The following FAM227B variants were observed in gnomAD, a reference collection of about 807,000 sequenced individuals.
FAM227B encodes family with sequence similarity 227 member B, also known as protein FAM227B.
A neutral mutation model predicts 73.8 loss-of-function variants in FAM227B; 88 were observed. The observed-to-expected ratio is 1.19, with a 90% CI of 1.00 to 1.42. FAM227B has a LOEUF of 1.42. FAM227B is among the 40% of genes most tolerant of loss of function. FAM227B has a pLI of 0.00. For missense variants in FAM227B, 632 were observed against 590.9 expected (o/e 1.07, Z -0.72); for synonymous variants, 210 against 190.5 (o/e 1.10, Z -0.84).
chr15:49,427,301 TTGAA>T (rs1462592974), intron 11 of FAM227B, among the ~76,000 whole-genome samples: 2 of 152,046 alleles, frequency 1.3e-5, no homozygotes, highest in South Asian at 2.1e-4. Context: ...CAATCATTAA[TTGAA>T]TGAATGGACA....
rs1208382551 is a variant in FAM227B, at chr15:49,508,275, G to A, written c.948C>T (p.Ser316=). 8.7e-6 allele frequency: 14 copies of A among 1,610,878 alleles called. No individual in the cohort carries two copies. Among genetic ancestry groups the A allele is most frequent in the Non-Finnish European group, 9.3e-6 (11 of 1,178,634 alleles). The change falls in exon 11 of 16, where the codon AGC becomes AGT. Residue 316 remains serine (S), a synonymous_variant. Transcript: ENST00000299338. ...TTACTGATTTTGCAGGTGCTTTTTT[G>A]CTACCATGAATGGTGGTTGTGGAGA... ...KELSTTTIHG[S]KKAPAKSVKE...
At chr15:49,470,374 C>T (rs1028502958) in intron 11 of FAM227B, among the ~76,000 whole-genome samples, 9 of 152,024 alleles carry the variant, frequency 5.9e-5, no homozygotes, top group African/African-American at 1.9e-4. Flanking sequence ...TACCAATAAG[C>T]AATTCTGTTG....
intron 11 of FAM227B, among the ~76,000 whole-genome samples, chr15:49,402,222 C>G (rs2048213170): frequency 6.6e-6 from 1 of 152,084 alleles, no homozygotes; most frequent in Admixed American, 6.6e-5. Flanking sequence ...TAGAAAGACA[C>G]AGAGATGATG....
intron 11 of FAM227B, among the ~76,000 whole-genome samples, chr15:49,421,823 C>T (rs556229459): frequency 1.3e-5 from 2 of 152,306 alleles, no homozygotes; most frequent in Non-Finnish European, 2.9e-5. Flanking sequence ...TTTCTTTCCT[C>T]CTTCTCTTCC....
intron 10 of FAM227B, among the ~76,000 whole-genome samples, chr15:49,541,231 C>G (rs1030360674): frequency 2.6e-5 from 4 of 151,988 alleles, no homozygotes; most frequent in Non-Finnish European, 5.9e-5. Context: ...GCTTTTCAAT[C>G]CTACCATTTT....
In FAM227B at chr15:49,577,339, T is replaced by C. The variant is rs2152379140; in HGVS notation, c.441+290A>G. ...AAAGAAAAACCTTCATATTTTCTGC[T>C]TCTTTGAAATTAAGAACCCTAGCAC... is the stretch of plus-strand genomic sequence containing the variant. On this transcript the variant is annotated intron_variant, in intron 6 of 15. Transcript: ENST00000299338. 3 of 358,330 alleles carry C rather than the reference T, an allele frequency of 8.4e-6. 1 individual carries two copies. The highest frequency in any genetic ancestry group is 5.2e-6 in the Non-Finnish European group (1 of 193,802). The allele number at this position is 358,330 out of a possible 1,614,324, so 22.2% of individuals were successfully genotyped here.
chr15:49,512,332 T>C (rs563039737), intron 10 of FAM227B, among the ~76,000 whole-genome samples: 1 of 152,286 alleles, frequency 6.6e-6, no homozygotes, highest in South Asian at 2.1e-4. Flanking sequence ...GTGTTCTATA[T>C]GTATACATTA....
Position 49,328,650 on chromosome 15 carries a change from T to G in FAM227B, c.1445A>C (p.Glu482Ala), listed in dbSNP as rs1227101763. 2 of 1,571,952 alleles carry G rather than the reference T, an allele frequency of 1.3e-6. No individual in the cohort carries two copies. Among genetic ancestry groups the G allele is most frequent in the Middle Eastern group, 3.3e-4 (2 of 5,998 alleles). ...KLRSEAEIER[E>A]CVASLSSSSS... The stretch of plus-strand genomic sequence containing the variant: ...TGATGACGATAGTGATGCCACACAT[T>G]CTCTCTCAATTTCAGCTTCGGAACG... The change falls in exon 16 of 16, where the codon GAA (glutamate) becomes GCA (alanine). Residue 482 changes from glutamate (E) to alanine (A), a missense_variant. By Grantham distance (107) the Glu-to-Ala change is moderately radical. Transcript: ENST00000299338.
chr15:49,412,033 C>T (rs867630030), intron 11 of FAM227B, among the ~76,000 whole-genome samples: 1 of 152,058 alleles, frequency 6.6e-6, no homozygotes, highest in Non-Finnish European at 1.5e-5. Flanking sequence ...ACATACAGTA[C>T]TTGGCATTAA....
chr15:49,337,508 C>CTTTTTTTTTTTTTTTTTT (rs33973907), intron 13 of FAM227B, among the ~76,000 whole-genome samples: 1 of 36,080 alleles, frequency 2.8e-5, no homozygotes, highest in African/African-American at 1.2e-4. Flanking sequence ...CATTTACCCA[C>CTTTTTTTTTTTTTTTTTT]TTTTTTTTTT....
chr15:49,401,139 C>A (rs2048111249), intron 11 of FAM227B, among the ~76,000 whole-genome samples: 1 of 152,198 alleles, frequency 6.6e-6, no homozygotes, highest in East Asian at 1.9e-4. Flanking sequence ...ACAATGAACT[C>A]AAACAAATTT....
At chr15:49,533,935 C>G (rs1373765714) in intron 10 of FAM227B, among the ~76,000 whole-genome samples, 1 of 151,662 alleles carries the variant, frequency 6.6e-6, no homozygotes, top group African/African-American at 2.4e-5. Flanking sequence ...TTTTGTAGAT[C>G]CTTTGCTCAT....
intron 11 of FAM227B, among the ~76,000 whole-genome samples, chr15:49,377,727 T>C (rs2046261983): frequency 6.6e-6 from 1 of 152,132 alleles, no homozygotes; most frequent in African/African-American, 2.4e-5. Flanking sequence ...TCCCATAGAG[T>C]TACTTGAGCT....
At chr15:49,375,522 C>A (rs948586423) in intron 11 of FAM227B, among the ~76,000 whole-genome samples, 1 of 151,732 alleles carries the variant, frequency 6.6e-6, no homozygotes, top group African/African-American at 2.4e-5. Flanking sequence ...TTATAAGAAC[C>A]AAAGTGACAA....
chr15:49,441,047 AATACT>A (rs2051590184), intron 11 of FAM227B, among the ~76,000 whole-genome samples: 1 of 151,786 alleles, frequency 6.6e-6, no homozygotes, highest in African/African-American at 2.4e-5. Context: ...ATAACACTTA[AATACT>A]TATGAATAGC....
intron 11 of FAM227B, among the ~76,000 whole-genome samples, chr15:49,445,325 T>C (rs2052089882): frequency 6.6e-6 from 1 of 151,684 alleles, no homozygotes; most frequent in African/African-American, 2.4e-5. Context: ...TTTAAGTCCA[T>C]GAGTATTCAA....
chr15:49,393,979 C>T (rs1378873291), intron 11 of FAM227B, among the ~76,000 whole-genome samples: 3 of 152,230 alleles, frequency 2.0e-5, no homozygotes, highest in African/African-American at 7.2e-5. Flanking sequence ...CTTTAAATGT[C>T]AAACAGCATA....
intron 9 of FAM227B, among the ~76,000 whole-genome samples, chr15:49,543,216 T>C (rs2071331045): frequency 6.6e-6 from 1 of 152,166 alleles, no homozygotes; most frequent in Non-Finnish European, 1.5e-5. Flanking sequence ...AGGAGTAAAA[T>C]GGTATCATAT....
At chr15:49,421,965 G>C (rs1265133578) in intron 11 of FAM227B, among the ~76,000 whole-genome samples, 1 of 152,082 alleles carries the variant, frequency 6.6e-6, no homozygotes, top group Admixed American at 6.5e-5. Context: ...AGAGTAACTG[G>C]GTACATCTGA....
Sources: gnomAD v4.1 joint callset for allele counts (sites outside exome capture counted in the v4.1 genomes callset) on GRCh38, gnomAD v4.1.1 for gene constraint, MANE v1.5 for transcripts, NCBI Gene and HGNC (gene_info 2026-07-23, HGNC 2026-07-21) for gene names.